TENM2: variants seen among roughly 807,000 people sequenced by gnomAD.
TENM2 encodes the protein teneurin-2.
In TENM2, 52 loss-of-function variants were observed where a neutral mutation model predicts 245.2. That is an observed-to-expected ratio of 0.21 (90% CI 0.17 to 0.27). TENM2 has a LOEUF of 0.27. Among genes scored for constraint, TENM2 ranks in the 10% least tolerant of loss-of-function variants. TENM2 has a pLI of 1.00. For synonymous variants in TENM2, 1,363 were observed against 1,438.9 expected (o/e 0.95, Z 1.19); for missense variants, 3,046 against 3,666.8 (o/e 0.83, Z 4.37).
At chr5:167,421,445 A>G (rs1763501648) in intron 2 of TENM2, among the ~76,000 whole-genome samples, 1 of 152,200 alleles carries the variant, frequency 6.6e-6, no homozygotes, top group Non-Finnish European at 1.5e-5. Flanking sequence ...CAGCCTCGGC[A>G]TGGGTGTTGT....
At chr5:167,971,556 C>T (rs566775153) in intron 4 of TENM2, among the ~76,000 whole-genome samples, 14 of 152,162 alleles carry the variant, frequency 9.2e-5, no homozygotes, top group African/African-American at 3.4e-4. Context: ...CTAAAATTAG[C>T]CAGGCGTGGT....
intron 5 of TENM2, among the ~76,000 whole-genome samples, chr5:168,027,147 T>A (rs1037598262): frequency 6.6e-6 from 1 of 151,736 alleles, no homozygotes; most frequent in African/African-American, 2.4e-5. Flanking sequence ...AGAAGCACAC[T>A]CCCCACGCTG....
intron 2 of TENM2, among the ~76,000 whole-genome samples, chr5:167,782,475 C>T (rs898824908): frequency 1.3e-5 from 2 of 152,048 alleles, no homozygotes; most frequent in African/African-American, 4.8e-5. Flanking sequence ...ATAAAGATGC[C>T]CCATGTGCAG....
intron 2 of TENM2, among the ~76,000 whole-genome samples, chr5:167,490,617 T>C (rs1201428530): frequency 6.6e-6 from 1 of 152,196 alleles, no homozygotes; most frequent in African/African-American, 2.4e-5. Context: ...TGTCTTAAAA[T>C]ATCTCTCATA....
chr5:167,080,901 A>T, the TENM2 span, among the ~76,000 whole-genome samples: 2,647 of 152,232 alleles, frequency 0.017, 153 homozygotes, highest in Admixed American at 0.12. Context: ...AAAAGGACAT[A>T]CCAGAAAATG....
At chr5:167,432,505 G>T (rs1044208117) in intron 2 of TENM2, among the ~76,000 whole-genome samples, 1 of 151,706 alleles carries the variant, frequency 6.6e-6, no homozygotes, top group African/African-American at 2.4e-5. Context: ...AAGAAATCTT[G>T]CAAGCTGTTG....
chr5:167,350,598 G>C (rs1758781546), intron 1 of TENM2, among the ~76,000 whole-genome samples: 1 of 137,654 alleles, frequency 7.3e-6, no homozygotes, highest in Non-Finnish European at 1.6e-5. Context: ...ATATATATAT[G>C]GATATATATA....
chr5:167,175,536 G>A, the TENM2 span, among the ~76,000 whole-genome samples: 1 of 152,014 alleles, frequency 6.6e-6, no homozygotes, highest in African/African-American at 2.4e-5. Context: ...TTTCTCTGTC[G>A]TACCCCACAT....
intron 2 of TENM2, among the ~76,000 whole-genome samples, chr5:167,782,313 CAA>C (rs767675565): frequency 1.7e-3 from 97 of 58,750 alleles, no homozygotes; most frequent in African/African-American, 5.0e-3. Flanking sequence ...AACTCTGTCT[CAA>C]AAAAAAAAAA....
intron 2 of TENM2, among the ~76,000 whole-genome samples, chr5:167,524,153 C>T (rs1369210769): frequency 2.0e-5 from 3 of 152,096 alleles, no homozygotes; most frequent in Non-Finnish European, 4.4e-5. Flanking sequence ...ATGCCAAGTC[C>T]TTCAATTTCA....
intron 2 of TENM2, among the ~76,000 whole-genome samples, chr5:167,619,506 A>T (rs945630137): frequency 6.6e-6 from 1 of 152,068 alleles, no homozygotes; most frequent in Non-Finnish European, 1.5e-5. Context: ...ACTGGTGTGG[A>T]TGGGATCCTC....
At chr5:167,690,408 A>G (rs1757349652) in intron 2 of TENM2, among the ~76,000 whole-genome samples, 3 of 152,096 alleles carry the variant, frequency 2.0e-5, no homozygotes, top group Non-Finnish European at 4.4e-5. Context: ...GAGTTGGTAT[A>G]CAGAGTAGAT....
At chr5:167,451,900 C>T (rs11959428) in intron 2 of TENM2, among the ~76,000 whole-genome samples, 33,571 of 151,956 alleles carry the variant, frequency 0.22, 4,220 homozygotes, top group East Asian at 0.3. Flanking sequence ...CCACCCTCCT[C>T]GGCCTCCCAA....
intron 2 of TENM2, among the ~76,000 whole-genome samples, chr5:167,817,679 G>A (rs1314319130): frequency 6.6e-6 from 1 of 152,138 alleles, no homozygotes; most frequent in Admixed American, 6.5e-5. Flanking sequence ...AGTTAAATAT[G>A]GGTCATGTAA....
chr5:168,116,324 G>A lies in TENM2; in HGVS notation c.1814-1968G>A, dbSNP rs138532676. Among the ~76,000 whole-genome samples the A allele has an allele frequency of 4.3e-4, 66 of 152,086 alleles. 1 individual carries two copies. The East Asian group carries it at 0.011, about 26-fold the overall frequency. ...GCATAAGAATTCTACTGAAAATAGC[G>A]CCCCCAGTAGTTATGGCAACTGTCC... On this transcript the variant is annotated intron_variant, in intron 9 of 28. Transcript: ENST00000518659.
At chr5:167,411,112 C>A (rs1392140371) in intron 2 of TENM2, among the ~76,000 whole-genome samples, 1 of 152,066 alleles carries the variant, frequency 6.6e-6, no homozygotes, top group East Asian at 1.9e-4. Flanking sequence ...GAGATGCATT[C>A]TAAATCGGAA....
chr5:167,962,056 C>G (rs902596347), intron 4 of TENM2, among the ~76,000 whole-genome samples: 6 of 152,140 alleles, frequency 3.9e-5, no homozygotes, highest in Non-Finnish European at 1.5e-5. Flanking sequence ...AATAAAGTGT[C>G]CTCTTGACAA....
chr5:167,118,268 A>G, the TENM2 span, among the ~76,000 whole-genome samples: 77 of 152,350 alleles, frequency 5.1e-4, no homozygotes, highest in Middle Eastern at 3.4e-3. Flanking sequence ...CCTAAAACTG[A>G]CAGAGGAGAG....
chr5:167,583,056 C>T lies in TENM2; in HGVS notation c.502+207583C>T, dbSNP rs182550246. ...TTGCCAAGTTTTTCTCTGGAACATT[C>T]ATGCACAAAAAGTGTAGGAAATGAC... On this transcript the variant is annotated intron_variant, in intron 2 of 28. Coordinates refer to ENST00000518659, the Ensembl canonical transcript of TENM2. Among the ~76,000 whole-genome samples the T allele has an allele frequency of 2.4e-4, 37 of 152,294 alleles. No homozygotes were observed. The East Asian group carries it at 5.4e-3, about 22-fold the overall frequency.
Sources: allele counts gnomAD v4.1 joint callset (sites outside exome capture counted in the v4.1 genomes callset), GRCh38; gene constraint gnomAD v4.1.1; transcripts MANE v1.5; gene names NCBI Gene and HGNC (gene_info 2026-07-23, HGNC 2026-07-21).